STAG2: variants seen among roughly 807,000 people sequenced by gnomAD.
The protein encoded by STAG2 is cohesin subunit SA-2.
STAG2 carries 14 observed loss-of-function variants against 108.1 expected under a neutral mutation model. The observed-to-expected ratio is 0.13, with a 90% CI of 0.09 to 0.20. The LOEUF (loss-of-function observed/expected upper bound fraction) is 0.20, where lower values mean the gene tolerates loss of function less well. Among genes scored for constraint, STAG2 ranks in the 10% least tolerant of loss-of-function variants. The pLI is 1.00. For missense variants in STAG2, 440 were observed against 940.9 expected, an observed-to-expected ratio of 0.47 and a Z score of 6.96; for synonymous variants, 307 against 302.7, an observed-to-expected ratio of 1.01 and a Z score of -0.15.
intron 1 of STAG2, among the ~76,000 whole-genome samples, chrX:123,973,495 TCGTGC>T (rs2054467145): frequency 1.0e-5 from 1 of 95,691 alleles, no homozygotes; most frequent in Non-Finnish European, 2.0e-5. Flanking sequence ...TGAGCCGAGA[TCGTGC>T]CACAGCACTC....
intron 1 of STAG2, among the ~76,000 whole-genome samples, chrX:124,000,981 C>T (rs899611047): frequency 1.8e-5 from 2 of 112,008 alleles, no homozygotes; most frequent in African/African-American, 6.5e-5. Context: ...TTTTCTACAG[C>T]TGTGCAATAT....
intron 15 of STAG2, among the ~76,000 whole-genome samples, chrX:124,059,660 A>T (rs2058323205): frequency 9.1e-6 from 1 of 110,333 alleles, no homozygotes; most frequent in Non-Finnish European, 1.9e-5. Flanking sequence ...ATTTTATTTT[A>T]TTTATTTTAT....
intron 25 of STAG2, among the ~76,000 whole-genome samples, chrX:124,071,831 CTG>C (rs771418170): frequency 4.5e-5 from 5 of 110,499 alleles, no homozygotes; most frequent in African/African-American, 1.6e-4. Flanking sequence ...CTGTAAAAGT[CTG>C]GGGCAGTATA....
At position 124,082,952 on chromosome X, in the gene STAG2, A is replaced by G. The variant is rs764292337; in HGVS notation, c.2925-469A>G. 2.7e-5 allele frequency among the ~76,000 whole-genome samples: 3 copies of G among 111,501 alleles called. No individual in the cohort carries two copies. In the East Asian group the frequency reaches 8.4e-4, roughly 31 times the overall value. ...GATGAATAGAGGTATTTATCGTCAC[A>G]TAAATATAGTTAAAATGGGCCTTAG... On this transcript the variant is annotated intron_variant, in intron 28 of 34. Coordinates refer to ENST00000371145, the MANE Select transcript of STAG2 (RefSeq NM_001042750.2).
intron 1 of STAG2, among the ~76,000 whole-genome samples, chrX:123,979,745 A>T (rs2054786163): frequency 9.0e-6 from 1 of 111,245 alleles, no homozygotes; most frequent in Non-Finnish European, 1.9e-5. Context: ...CTTCTTACTT[A>T]ACTTGCAACC....
In STAG2 at chrX:124,061,743, CTTTTTTTTTT is replaced by C. The variant is rs36097834; in HGVS notation, c.1535-12_1535-3del. The C allele has an allele frequency of 2.1e-3, 994 of 474,204 alleles. 6 individuals carry two copies. In the African/African-American group the frequency reaches 0.035, roughly 17 times the overall value. The allele number at this position is 474,204 out of a possible 1,213,427, so 39.1% of individuals were successfully genotyped here. A position where few individuals can be genotyped will look rare whatever the true frequency, so the allele number is the denominator to read the frequency against. ...GAAGAAATAAGCTAACTCTTTCTGA[CTTTTTTTTTT>C]TTTTTTTTTTTTTTTAGCACTAACA... On this transcript the variant is annotated intron_variant, in intron 16 of 34. Transcript: ENST00000371145.
intron 1 of STAG2, among the ~76,000 whole-genome samples, chrX:124,020,512 A>G (rs1230688169): frequency 9.0e-6 from 1 of 111,360 alleles, no homozygotes; most frequent in Non-Finnish European, 1.9e-5. Flanking sequence ...TATCTTACAT[A>G]TGATGACAAA....
intron 24 of STAG2, among the ~76,000 whole-genome samples, chrX:124,070,866 A>G (rs1469527865): frequency 8.9e-6 from 1 of 111,748 alleles, no homozygotes; most frequent in Admixed American, 9.6e-5. Context: ...TGTAGTGTGT[A>G]ACATATTGTA....
chrX:124,068,049 C>T (rs2058581605), intron 23 of STAG2, among the ~76,000 whole-genome samples: 1 of 109,990 alleles, frequency 9.1e-6, no homozygotes, highest in African/African-American at 3.3e-5. Context: ...AAAAAAAACC[C>T]AATAAAAATA....
chrX:123,973,117 G>T (rs1320191455), intron 1 of STAG2, among the ~76,000 whole-genome samples: 1 of 110,619 alleles, frequency 9.0e-6, no homozygotes, highest in African/African-American at 3.3e-5. Context: ...ATACTATATT[G>T]CTGGTTTTTA....
intron 1 of STAG2, among the ~76,000 whole-genome samples, chrX:123,988,367 C>T (rs2055294886): frequency 9.0e-6 from 1 of 110,814 alleles, no homozygotes; most frequent in African/African-American, 3.3e-5. Context: ...AGAATTATGG[C>T]CACAATAAGT....
In STAG2 at chrX:124,090,746, A is replaced by G. The variant is rs765683304; in HGVS notation, c.3449A>G (p.Gln1150Arg). ...TATCCAATGCAGACTGAACATCATC[A>G]AACACCTCTTGATTATAAGTAAGTA... ...SVYPMQTEHH[Q>R]TPLDYNTQVT... Residue 1150 changes from glutamine to arginine, a missense_variant, in exon 31 of 35, where the codon CAA becomes CGA. Gln to Arg is a conservative substitution (Grantham distance 43). This residue lies in a region of STAG2 where 337 missense variants were observed against 649.3 expected (regional missense o/e 0.52). Transcript: ENST00000371145. 2.5e-6 allele frequency: 3 copies of G among 1,210,671 alleles called. No homozygotes were observed.
chrX:123,969,872 C>CCTGACCT (rs1262327184), intron 1 of STAG2, among the ~76,000 whole-genome samples: 2 of 108,196 alleles, frequency 1.8e-5, no homozygotes, highest in Non-Finnish European at 3.8e-5. Flanking sequence ...GTCTCGAACT[C>CCTGACCT]CTGACCTCAG....
Position 124,061,706 on chromosome X carries a change from G to A in STAG2, c.1535-65G>A, listed in dbSNP as rs1334535532. 10 of 808,759 alleles carry A rather than the reference G, an allele frequency of 1.2e-5. No homozygotes were observed. The East Asian group carries it at 3.2e-4, about 26-fold the overall frequency. The allele number at this position is 808,759 out of a possible 1,213,427, so 66.7% of individuals were successfully genotyped here. A position where few individuals can be genotyped will look rare whatever the true frequency, so the allele number is the denominator to read the frequency against. On this transcript the variant is annotated intron_variant, in intron 16 of 34. Transcript: ENST00000371145. ...AAACTGTTATGTAATAATTACAAGTGGCATATAGGGAGAAGAAATAAGCTA... is the reference window on the plus strand; with the variant it reads ...AAACTGTTATGTAATAATTACAAGTAGCATATAGGGAGAAGAAATAAGCTA...
chrX:124,020,288 A>G (rs1431895000), intron 1 of STAG2, among the ~76,000 whole-genome samples: 2 of 111,923 alleles, frequency 1.8e-5, no homozygotes, highest in Non-Finnish European at 3.8e-5. Flanking sequence ...TAGAAATTAT[A>G]TTGAAGGAAA....
At chrX:124,051,455 G>T in intron 13 of STAG2, 61 bp downstream of exon 13, 2 of 943,934 alleles carry the variant, frequency 2.1e-6, no homozygotes, top group Non-Finnish European at 2.9e-6. Flanking sequence ...ATATATTAGA[G>T]TATTTGGTTC....
intron 1 of STAG2, among the ~76,000 whole-genome samples, chrX:124,005,216 A>G (rs2056228267): frequency 8.9e-6 from 1 of 111,900 alleles, no homozygotes; most frequent in Non-Finnish European, 1.9e-5. Context: ...GGTTGGTTGA[A>G]TCTGAGCATG....
At chrX:124,036,198 T>A (rs2057510887) in intron 5 of STAG2, among the ~76,000 whole-genome samples, 1 of 112,309 alleles carries the variant, frequency 8.9e-6, no homozygotes, top group African/African-American at 3.2e-5. Context: ...TGTGTAATCA[T>A]AGTATCTTTT....
chrX:124,017,708 C>T (rs1457322262), intron 1 of STAG2, among the ~76,000 whole-genome samples: 3 of 111,127 alleles, frequency 2.7e-5, no homozygotes, highest in Non-Finnish European at 1.9e-5. Flanking sequence ...TATTAATGTG[C>T]TATAGTAATA....
Sources: gnomAD v4.1 joint callset for allele counts (sites outside exome capture counted in the v4.1 genomes callset) on GRCh38, gnomAD v4.1.1 for gene constraint, gnomAD v4.1.1 regional missense constraint, MANE v1.5 for transcripts, NCBI Gene and HGNC (gene_info 2026-07-23, HGNC 2026-07-21) for gene names.